Variants in PSPC1 observed in about 807,000 individuals in gnomAD.
The protein encoded by PSPC1 is paraspeckle protein 1.
In PSPC1, 14 loss-of-function variants were observed where a neutral mutation model predicts 51.6. That is an observed-to-expected ratio of 0.27 (90% CI 0.18 to 0.42). PSPC1 has a LOEUF of 0.42. Among genes scored for constraint, PSPC1 ranks in the 10% least tolerant of loss-of-function variants. PSPC1 has a pLI of 1.00. For missense variants in PSPC1, 406 were observed against 701.1 expected (o/e 0.58, Z 4.75); for synonymous variants, 193 against 231.9 (o/e 0.83, Z 1.53).
rs115955186 is a variant in PSPC1, at chr13:19,773,932, C to T, written c.373-1389G>A. ...CTTAGCCTCCCAAAGTGTAAGATTA[C>T]AGGTGTGAGCCATCTTGCCCTAGCC... On this transcript the variant is annotated intron_variant, in intron 1 of 8. Coordinates refer to ENST00000338910, the MANE Select transcript of PSPC1 (RefSeq NM_001354909.2). Among the ~76,000 whole-genome samples, 1,339 of 152,244 alleles carry T rather than the reference C, an allele frequency of 8.8e-3. 23 individuals carry two copies. The highest frequency in any genetic ancestry group is 0.03 in the African/African-American group (1,262 of 41,540).
At chr13:19,712,690 G>C (rs984838486) in intron 6 of PSPC1, among the ~76,000 whole-genome samples, 2 of 151,896 alleles carry the variant, frequency 1.3e-5, no homozygotes, top group African/African-American at 4.8e-5. Flanking sequence ...TGCTACCATA[G>C]CATATTACTG....
At chr13:19,719,654 G>A (rs1455729496) in intron 6 of PSPC1, among the ~76,000 whole-genome samples, 1 of 152,156 alleles carries the variant, frequency 6.6e-6, no homozygotes, top group Non-Finnish European at 1.5e-5. Flanking sequence ...CCTCGGTCAG[G>A]TAATTGAGTG....
Position 19,782,716 on chromosome 13 carries a change from T to A in PSPC1, c.42A>T (p.Lys14Asn). The A allele has an allele frequency of 6.4e-7, 1 of 1,569,390 alleles. No individual in the cohort carries two copies. Among genetic ancestry groups the A allele is most frequent in the Non-Finnish European group, 8.6e-7 (1 of 1,168,948 alleles). Reference protein sequence around the residue: ...RGNLKQVRIEKNPARLRALES... With the variant: ...RGNLKQVRIENNPARLRALES... ...CCAGGGCGCGAAGGCGGGCCGGGTT[T>A]TTCTCAATGCGCACTTGCTTCAGGT... The change falls in exon 1 of 9, where the codon AAA (lysine) becomes AAT (asparagine). Residue 14 changes from lysine (K) to asparagine (N), a missense_variant. This residue lies in a region of PSPC1 where 128 missense variants were observed against 107.1 expected (regional missense o/e 1.20). Transcript: ENST00000338910. The surrounding 1 kb of genome is among the most constrained non-coding windows in gnomAD (Gnocchi z 4.5).
intron 4 of PSPC1, among the ~76,000 whole-genome samples, chr13:19,743,983 C>G (rs1023550468): frequency 1.3e-5 from 2 of 152,070 alleles, no homozygotes; most frequent in African/African-American, 4.8e-5. Flanking sequence ...TGGCGCATGC[C>G]TGTAATCAGA....
chr13:19,750,283 C>T (rs1484751999), intron 4 of PSPC1, among the ~76,000 whole-genome samples: 2 of 151,842 alleles, frequency 1.3e-5, no homozygotes, highest in African/African-American at 4.8e-5. Context: ...TACAAAAAAA[C>T]TAGCCGGACA....
In PSPC1 at chr13:19,773,413, C is replaced by G. The variant is rs1888803468; in HGVS notation, c.373-870G>C. Among the ~76,000 whole-genome samples, 3 of 151,682 alleles carry G rather than the reference C, an allele frequency of 2.0e-5. No individual in the cohort carries two copies. The South Asian group carries it at 6.3e-4, about 32-fold the overall frequency. ...TACAGGTGCCCGCTACCACGCCCAG[C>G]TAATTTTTTGTATTTTTAGTAGAGA... On this transcript the variant is annotated intron_variant, in intron 1 of 8. Coordinates refer to ENST00000338910, the MANE Select transcript of PSPC1 (RefSeq NM_001354909.2).
intron 2 of PSPC1, among the ~76,000 whole-genome samples, chr13:19,764,425 T>C (rs1593748072): frequency 6.6e-6 from 1 of 152,120 alleles, no homozygotes; most frequent in South Asian, 2.1e-4. Context: ...TGTAATTATA[T>C]ATAACATCAA....
intron 3 of PSPC1, among the ~76,000 whole-genome samples, chr13:19,753,540 A>G (rs1886778938): frequency 2.0e-5 from 3 of 152,192 alleles, no homozygotes; most frequent in Non-Finnish European, 4.4e-5. Context: ...AACTTTCAAG[A>G]AATTTCTGCA....
downstream of PSPC1, chr13:19,672,833 C>T (rs1382058401): frequency 3.2e-6 from 1 of 308,940 alleles, no homozygotes; most frequent in Non-Finnish European, 6.4e-6. Context: ...AGCGTGGTGG[C>T]TCACACCTAT....
At chr13:19,774,805 C>CAA (rs748014285) in intron 1 of PSPC1, among the ~76,000 whole-genome samples, 2 of 56,108 alleles carry the variant, frequency 3.6e-5, no homozygotes, top group Non-Finnish European at 3.7e-5. Context: ...ACTCTGTGTC[C>CAA]AAAAAAAAAA....
intron 6 of PSPC1, among the ~76,000 whole-genome samples, chr13:19,717,434 G>A (rs1369184132): frequency 6.6e-6 from 1 of 151,516 alleles, no homozygotes; most frequent in Admixed American, 6.6e-5. Flanking sequence ...GGCCAAGCAC[G>A]GTGGCTCAAG....
chr13:19,738,740 T>C (rs1441364604), intron 5 of PSPC1, among the ~76,000 whole-genome samples: 18 of 151,934 alleles, frequency 1.2e-4, no homozygotes, highest in Admixed American at 1.1e-3. Context: ...ACCCCGTCTC[T>C]ACTAAAAATA....
intron 1 of PSPC1, among the ~76,000 whole-genome samples, chr13:19,774,805 C>CAAAAAAA (rs748014285): frequency 3.6e-5 from 2 of 56,118 alleles, no homozygotes; most frequent in Non-Finnish European, 7.4e-5. Context: ...ACTCTGTGTC[C>CAAAAAAA]AAAAAAAAAA....
chr13:19,726,785 C>G (rs959051999), intron 6 of PSPC1, among the ~76,000 whole-genome samples: 2 of 152,178 alleles, frequency 1.3e-5, no homozygotes, highest in Non-Finnish European at 2.9e-5. Context: ...TAGCCTCTGC[C>G]AACATTCCCT....
In PSPC1 at chr13:19,682,486, C is replaced by CAA. The variant is rs138769031; in HGVS notation, c.1159-4665_1159-4664dup. On this transcript the variant is annotated intron_variant and NMD_transcript_variant, in intron 6 of 7. Coordinates refer to the PSPC1 transcript ENST00000471658. ...CTTTACAAAGCAGGTGGCTGAATGGCAAAAAAAAAAAAAAAAAAAAGCAGT... is the reference window on the plus strand; with the variant it reads ...CTTTACAAAGCAGGTGGCTGAATGGCAAAAAAAAAAAAAAAAAAAAAAGCAGT... Among the ~76,000 whole-genome samples, 292 of 98,596 alleles carry CAA rather than the reference C, an allele frequency of 3.0e-3. 5 individuals carry two copies. Among genetic ancestry groups the CAA allele is most frequent in the African/African-American group, 0.01 (266 of 25,678 alleles). 64.7% of individuals were successfully genotyped at this position (98,596 alleles called of 152,430 possible).
At chr13:19,722,914 A>T (rs1882948177) in intron 6 of PSPC1, among the ~76,000 whole-genome samples, 1 of 152,202 alleles carries the variant, frequency 6.6e-6, no homozygotes, top group African/African-American at 2.4e-5. Context: ...GTTCAAGAGC[A>T]GCCTGGCCAA....
intron 2 of PSPC1, among the ~76,000 whole-genome samples, chr13:19,770,415 T>C (rs577558746): frequency 6.6e-6 from 1 of 152,066 alleles, no homozygotes; most frequent in African/African-American, 2.4e-5. Flanking sequence ...ATCCCAGCAC[T>C]TTGGGAGGCT....
chr13:19,682,765 A>G (rs1877415213), intron 6 of PSPC1, among the ~76,000 whole-genome samples: 2 of 152,152 alleles, frequency 1.3e-5, no homozygotes, highest in South Asian at 4.1e-4. Context: ...GAAACATATT[A>G]ATAGAACCTG....
chr13:19,709,735 A>G, intron 6 of PSPC1, 136 bp from the exon 7 acceptor site: 1 of 721,578 alleles, frequency 1.4e-6, no homozygotes. Context: ...ATCATCATAA[A>G]CTTAATAAGA....
Sources: gnomAD v4.1 joint callset for allele counts (sites outside exome capture counted in the v4.1 genomes callset) on GRCh38, gnomAD v4.1.1 for gene constraint, gnomAD v4.1.1 regional missense constraint, Gnocchi (gnomAD v3.1) non-coding constraint, MANE v1.5 for transcripts, NCBI Gene and HGNC (gene_info 2026-07-23, HGNC 2026-07-21) for gene names.